Variants in PKHD1L1 observed in about 807,000 individuals in gnomAD.
PKHD1L1 encodes the protein fibrocystin-L.
In PKHD1L1, 434 loss-of-function variants were observed where a neutral mutation model predicts 462.9. That is an observed-to-expected ratio of 0.94 (90% CI 0.87 to 1.02). The LOEUF (loss-of-function observed/expected upper bound fraction) is 1.02, where lower values mean the gene tolerates loss of function less well. Among genes scored for constraint, PKHD1L1 ranks in the 50% least tolerant of loss-of-function variants. PKHD1L1 has a pLI of 0.00. For missense variants in PKHD1L1, 5,202 were observed against 5,096.1 expected (o/e 1.02, Z -0.63); for synonymous variants, 1,781 against 1,750.0 (o/e 1.02, Z -0.44).
At chr8:109,379,002 C>T (rs1365767927) in intron 2 of PKHD1L1, among the ~76,000 whole-genome samples, 1 of 152,182 alleles carries the variant, frequency 6.6e-6, no homozygotes, top group Admixed American at 6.5e-5. Context: ...TCTGTGGCCA[C>T]CGCAGTGCTA....
chr8:109,442,598 T>C (rs1028600066), intron 35 of PKHD1L1, among the ~76,000 whole-genome samples: 3 of 152,216 alleles, frequency 2.0e-5, no homozygotes, highest in Admixed American at 2.0e-4. Flanking sequence ...TTAGATTGTC[T>C]GTTTTGTTTT....
At chr8:109,374,573 T>C (rs1811703454) in intron 2 of PKHD1L1, among the ~76,000 whole-genome samples, 1 of 152,248 alleles carries the variant, frequency 6.6e-6, no homozygotes, top group Non-Finnish European at 1.5e-5. Flanking sequence ...TGCTGGTTAG[T>C]TGATGCAGTT....
At chr8:109,373,576 A>G (rs1811635884) in intron 2 of PKHD1L1, among the ~76,000 whole-genome samples, 2 of 152,084 alleles carry the variant, frequency 1.3e-5, no homozygotes, top group East Asian at 3.9e-4. Flanking sequence ...TTTCTTCTCT[A>G]GTTCTTTTAA....
At chr8:109,407,625 G>C (rs1423450901) in intron 17 of PKHD1L1, among the ~76,000 whole-genome samples, 3 of 152,050 alleles carry the variant, frequency 2.0e-5, no homozygotes, top group Non-Finnish European at 4.4e-5. Context: ...TTGTTTCCTG[G>C]AATTCAGCTT....
At chr8:109,484,697 G>A (rs1159839830) in intron 57 of PKHD1L1, among the ~76,000 whole-genome samples, 2 of 151,662 alleles carry the variant, frequency 1.3e-5, no homozygotes, top group Admixed American at 6.6e-5. Flanking sequence ...AAAAAACTAG[G>A]GAAAAAATTC....
chr8:109,408,198 G>A lies in PKHD1L1; in HGVS notation c.1963G>A (p.Glu655Lys), dbSNP rs1368999914. ...ASKPLTLWSS[E>K]AEFQGAVEEM... ...TAAGCCACTCACTCTATGGTCATCA[G>A]AAGCTGAAGTACGGTGTAGGAATGT... is the stretch of plus-strand genomic sequence containing the variant. The change falls in exon 18 of 78, where the codon GAA becomes AAA. Residue 655 changes from glutamate to lysine, a missense_variant. By Grantham distance (56) the Glu-to-Lys change is moderately conservative. This residue lies in a region of PKHD1L1 where 4,497 missense variants were observed against 4,336.8 expected (regional missense o/e 1.04). Transcript: ENST00000378402. 1.9e-6 allele frequency: 3 copies of A among 1,612,030 alleles called. No individual in the cohort carries two copies. The highest frequency in any genetic ancestry group is 2.5e-6 in the Non-Finnish European group (3 of 1,178,790).
chr8:109,416,127 G>A (rs187614105), intron 21 of PKHD1L1, among the ~76,000 whole-genome samples: 1 of 152,144 alleles, frequency 6.6e-6, no homozygotes, highest in Admixed American at 6.5e-5. Context: ...GTTTGTCAGA[G>A]GGAAAAACTT....
intron 21 of PKHD1L1, among the ~76,000 whole-genome samples, chr8:109,417,009 G>A (rs542729632): frequency 9.2e-5 from 14 of 152,076 alleles, no homozygotes; most frequent in Non-Finnish European, 1.5e-4. Flanking sequence ...TATCAATCAA[G>A]TCATCACTTA....
rs1444836003 is a variant in PKHD1L1 at position 109,537,034 on chromosome 8, C to T, written c.*6944C>T. 6.6e-6 allele frequency among the ~76,000 whole-genome samples: 1 copy of T among 152,314 alleles called. No individual in the cohort carries two copies. Among genetic ancestry groups the T allele is most frequent in the East Asian group, 1.9e-4 (1 of 5,192 alleles). ...TTCTCCAGTAGGAAGATTAATAAAA[C>T]AATTCATTAAAATTCTCATCAGAAA... On this transcript the variant is annotated 3_prime_UTR_variant, in exon 78 of 78. Coordinates refer to ENST00000378402, the MANE Select transcript of PKHD1L1 (RefSeq NM_177531.6).
chr8:109,448,072 A>G, intron 38 of PKHD1L1, 71 bp from the exon 39 acceptor site: 1 of 1,299,966 alleles, frequency 7.7e-7, no homozygotes, highest in Non-Finnish European at 1.0e-6. Flanking sequence ...AAAAGTAAAG[A>G]GGTATATCTT....
chr8:109,382,185 C>T (rs1453210589), intron 3 of PKHD1L1, among the ~76,000 whole-genome samples: 32 of 142,666 alleles, frequency 2.2e-4, no homozygotes, highest in Non-Finnish European at 1.6e-5. Flanking sequence ...TTTATTATTG[C>T]ATTTGTTGTT....
intron 47 of PKHD1L1, among the ~76,000 whole-genome samples, 171 bp downstream of exon 47, chr8:109,460,007 A>C (rs1021700083): frequency 6.6e-6 from 1 of 151,880 alleles, no homozygotes; most frequent in Non-Finnish European, 1.5e-5. Context: ...AATATAATTA[A>C]ATGTGGAAAT....
Position 109,534,215 on chromosome 8 carries a change from C to A in PKHD1L1, c.*4125C>A, listed in dbSNP as rs1026422959. 5.3e-5 allele frequency among the ~76,000 whole-genome samples: 8 copies of A among 152,262 alleles called. No homozygotes were observed. Among genetic ancestry groups the A allele is most frequent in the African/African-American group, 1.9e-4 (8 of 41,480 alleles). ...CAGTGGCTCACGCCTGTAATCCCAG[C>A]ACTCTGGGAGGCCAAGGCAGGCGGA... On this transcript the variant is annotated 3_prime_UTR_variant, in exon 78 of 78. Transcript: ENST00000378402.
rs1816714983 is a variant in PKHD1L1 at position 109,454,597 on chromosome 8, A to T, written c.6745-126A>T. 4 of 1,343,090 alleles carry T rather than the reference A, an allele frequency of 3.0e-6. No individual in the cohort carries two copies. In the East Asian group the frequency reaches 6.9e-5, roughly 23 times the overall value. 83.2% of individuals were successfully genotyped at this position (1,343,090 alleles called of 1,614,324 possible). A position where few individuals can be genotyped will look rare whatever the true frequency, so the allele number is the denominator to read the frequency against. On this transcript the variant is annotated intron_variant, in intron 44 of 77. Transcript: ENST00000378402. ...TAAAGGTTTATCTTTCAAAAGAAAG[A>T]TATGAACAACTGAGCAATTAATTCT...
chr8:109,415,296 A>G (rs939521017), intron 21 of PKHD1L1, among the ~76,000 whole-genome samples: 5 of 152,072 alleles, frequency 3.3e-5, no homozygotes, highest in African/African-American at 1.2e-4. Flanking sequence ...ATGAGACACC[A>G]TGCCTGGCCC....
In PKHD1L1 at chr8:109,445,491, C is replaced by T; in HGVS notation, c.5622C>T (p.Ser1874=). 1 of 1,613,748 alleles carries T rather than the reference C, an allele frequency of 6.2e-7. No homozygotes were observed. The highest frequency in any genetic ancestry group is 8.5e-7 in the Non-Finnish European group (1 of 1,179,790). ...GGGATGAACCTTGTCAAATTATTTCCATCAACCCCAATGAAGTCTACTGCC... is the reference window on the plus strand; with the variant it reads ...GGGATGAACCTTGTCAAATTATTTCTATCAACCCCAATGAAGTCTACTGCC... ...TIGDEPCQII[S]INPNEVYCRT... The change falls in exon 38 of 78, where the codon TCC becomes TCT. Residue 1874 remains serine (S), a synonymous_variant. Transcript: ENST00000378402.
chr8:109,402,441 A>C (rs1428178482), intron 14 of PKHD1L1, among the ~76,000 whole-genome samples: 2 of 152,110 alleles, frequency 1.3e-5, no homozygotes, highest in African/African-American at 2.4e-5. Flanking sequence ...TGAGTCTTAG[A>C]TATTTGGGGC....
intron 46 of PKHD1L1, among the ~76,000 whole-genome samples, chr8:109,458,429 G>C (rs540412544): frequency 1.3e-5 from 2 of 152,170 alleles, no homozygotes; most frequent in African/African-American, 4.8e-5. Context: ...CCGTTATTGA[G>C]TTGTGACAGG....
chr8:109,462,098 A>T (rs1817169595), intron 48 of PKHD1L1, among the ~76,000 whole-genome samples, 190 bp downstream of exon 48: 1 of 152,116 alleles, frequency 6.6e-6, no homozygotes, highest in Non-Finnish European at 1.5e-5. Flanking sequence ...TCACACCTCG[A>T]ATCGAATTAA....
Sources: allele counts gnomAD v4.1 joint callset (sites outside exome capture counted in the v4.1 genomes callset), GRCh38; gene constraint gnomAD v4.1.1; regional missense constraint gnomAD v4.1.1; transcripts MANE v1.5; gene names NCBI Gene and HGNC (gene_info 2026-07-23, HGNC 2026-07-21).